PDGFD: variants seen among roughly 807,000 people sequenced by gnomAD.
PDGFD encodes the protein platelet derived growth factor D, also known as platelet-derived growth factor D.
A neutral mutation model predicts 44.7 loss-of-function variants in PDGFD; 30 were observed. The observed-to-expected ratio is 0.67, with a 90% CI of 0.50 to 0.91. PDGFD has a LOEUF of 0.91. Among genes scored for constraint, PDGFD ranks in the 40% least tolerant of loss-of-function variants. PDGFD has a pLI of 0.00. For missense variants in PDGFD, 445 were observed against 457.8 expected, an observed-to-expected ratio of 0.97 and a Z score of 0.25; for synonymous variants, 173 against 168.4, an observed-to-expected ratio of 1.03 and a Z score of -0.21.
intron 1 of PDGFD, among the ~76,000 whole-genome samples, chr11:104,137,728 CTTTT>C (rs5794295): frequency 2.6e-5 from 2 of 76,618 alleles, no homozygotes; most frequent in African/African-American, 4.7e-5. Context: ...TAGATCACCA[CTTTT>C]TTTTTTTTTT....
At position 104,058,755 on chromosome 11, in the gene PDGFD, T is replaced by C. The variant is rs142054395; in HGVS notation, c.125-58500A>G. On this transcript the variant is annotated intron_variant, in intron 1 of 6. Transcript: ENST00000393158. ...AATGAGCAAATGCCCATTGAATGAA[T>C]AAACCAAATTACAGGAGTTTCATAT... 2.9e-4 allele frequency among the ~76,000 whole-genome samples: 44 copies of C among 152,302 alleles called. No individual in the cohort carries two copies. The East Asian group carries it at 7.5e-3, about 26-fold the overall frequency.
chr11:104,095,045 G>C (rs1311649169), intron 1 of PDGFD, among the ~76,000 whole-genome samples: 1 of 151,894 alleles, frequency 6.6e-6, no homozygotes, highest in African/African-American at 2.4e-5. Context: ...TTCCTGGTAG[G>C]TGCCTGTATA....
At chr11:104,084,880 T>C (rs1308850430) in intron 1 of PDGFD, among the ~76,000 whole-genome samples, 6 of 128,684 alleles carry the variant, frequency 4.7e-5, no homozygotes, top group Non-Finnish European at 9.1e-5. Flanking sequence ...AAATATATAA[T>C]GAATATAAAA....
chr11:104,052,879 T>C (rs1565321786), intron 1 of PDGFD, among the ~76,000 whole-genome samples: 3 of 149,112 alleles, frequency 2.0e-5, no homozygotes, highest in Non-Finnish European at 4.4e-5. Context: ...CCCTCTCTCA[T>C]GGTTCATTAT....
rs141677270 is a variant in PDGFD at position 104,007,704 on chromosome 11, C to A, written c.125-7449G>T. Among the ~76,000 whole-genome samples the A allele has an allele frequency of 1.1e-4, 16 of 152,246 alleles. No homozygotes were observed. The East Asian group carries it at 2.9e-3, about 28-fold the overall frequency. ...GGAAATTCCAAACTTACAAAAAGATCTTTTTAACAAAATATCATTAATAAA... is the reference window on the plus strand; with the variant it reads ...GGAAATTCCAAACTTACAAAAAGATATTTTTAACAAAATATCATTAATAAA... On this transcript the variant is annotated intron_variant, in intron 1 of 6. Transcript: ENST00000393158.
At position 104,163,916 on chromosome 11, in the gene PDGFD, G is replaced by A. The variant is rs752315669; in HGVS notation, c.12C>T (p.Leu4=). 1.3e-6 allele frequency: 2 copies of A among 1,548,940 alleles called. No homozygotes were observed. The highest frequency in any genetic ancestry group is 1.4e-5 in the African/African-American group (1 of 73,916). MHR[L]IFVYTLICAN... Reference sequence around the variant, plus strand: ...CGCAGATTAGAGTGTAGACAAAGATGAGCCGGTGCATTTGGGATCAGCGAC... The same window carrying A: ...CGCAGATTAGAGTGTAGACAAAGATAAGCCGGTGCATTTGGGATCAGCGAC... The change falls in exon 1 of 7, where the codon CTC becomes CTT. Residue 4 remains leucine (L), a synonymous_variant. Transcript: ENST00000393158.
rs564649999 is a variant in PDGFD, at chr11:104,083,211, A to G, written c.124+80593T>C. On this transcript the variant is annotated intron_variant, in intron 1 of 6. Transcript: ENST00000393158. ...ATAAATATTACAAATACATCTCAGA[A>G]TCTTGGTCATTTTCTAACTAACTGC... is the stretch of plus-strand genomic sequence containing the variant. 2.3e-3 allele frequency among the ~76,000 whole-genome samples: 353 copies of G among 152,292 alleles called. 1 individual carries two copies. The highest frequency in any genetic ancestry group is 8.0e-3 in the African/African-American group (333 of 41,562).
At chr11:103,962,486 A>G (rs1591096653) in intron 3 of PDGFD, among the ~76,000 whole-genome samples, 1 of 152,144 alleles carries the variant, frequency 6.6e-6, no homozygotes, top group African/African-American at 2.4e-5. Context: ...GCTTTCATCA[A>G]AGGATCTCTG....
At chr11:104,083,515 T>C (rs1290743783) in intron 1 of PDGFD, among the ~76,000 whole-genome samples, 2 of 152,182 alleles carry the variant, frequency 1.3e-5, no homozygotes, top group Non-Finnish European at 2.9e-5. Context: ...ACTAGATTTC[T>C]TCACAACACA....
rs12099340 is a variant in PDGFD, at chr11:104,010,197, T to A, written c.125-9942A>T. 6.5e-3 allele frequency among the ~76,000 whole-genome samples: 974 copies of A among 148,878 alleles called. 15 individuals carry two copies. The highest frequency in any genetic ancestry group is 0.022 in the African/African-American group (884 of 40,576). ...CCAGTTACATATCTTTTTTTTTTTT[T>A]AAACATTAGAGCTCTTTTTGGCACA... On this transcript the variant is annotated intron_variant, in intron 1 of 6. Coordinates refer to ENST00000393158, the MANE Select transcript of PDGFD (RefSeq NM_025208.5).
chr11:104,097,899 A>T (rs952240679), intron 1 of PDGFD, among the ~76,000 whole-genome samples: 2 of 152,154 alleles, frequency 1.3e-5, no homozygotes, highest in South Asian at 4.1e-4. Flanking sequence ...AGTGGGGTCT[A>T]AATTTTAATT....
intron 1 of PDGFD, among the ~76,000 whole-genome samples, chr11:104,043,101 A>G (rs1465992161): frequency 6.6e-6 from 1 of 152,244 alleles, no homozygotes; most frequent in Non-Finnish European, 1.5e-5. Flanking sequence ...CTAGAAAAAA[A>G]GCAGAGTAAA....
In PDGFD at chr11:104,113,763, C is replaced by A. The variant is rs146460824; in HGVS notation, c.124+50041G>T. Among the ~76,000 whole-genome samples, 376 of 152,166 alleles carry A rather than the reference C, an allele frequency of 2.5e-3. 4 individuals are homozygous for A. The highest frequency in any genetic ancestry group is 0.021 in the Admixed American group (315 of 15,234). ...TATAATGAAAGTTCCTGTTGCTCCA[C>A]ATTCTTGTCAGCATTTGGTGTTATC... On this transcript the variant is annotated intron_variant, in intron 1 of 6. Coordinates refer to ENST00000393158, the MANE Select transcript of PDGFD (RefSeq NM_025208.5).
chr11:103,921,740 ATT>A (rs201773219), intron 6 of PDGFD, among the ~76,000 whole-genome samples: 1 of 149,256 alleles, frequency 6.7e-6, no homozygotes, highest in African/African-American at 2.5e-5. Context: ...AGAAGAAGTC[ATT>A]TTTTTTTCAT....
At chr11:104,082,822 G>T (rs910736537) in intron 1 of PDGFD, among the ~76,000 whole-genome samples, 3 of 152,038 alleles carry the variant, frequency 2.0e-5, no homozygotes, top group African/African-American at 7.2e-5. Flanking sequence ...TGTAGAGACA[G>T]GGTCCAGGCT....
intron 1 of PDGFD, among the ~76,000 whole-genome samples, chr11:104,115,138 C>T (rs932913045): frequency 5.3e-5 from 8 of 151,640 alleles, no homozygotes; most frequent in African/African-American, 1.7e-4. Flanking sequence ...TGAGTGATTA[C>T]ATACAATGTT....
intron 1 of PDGFD, among the ~76,000 whole-genome samples, chr11:104,074,665 G>T (rs1370015246): frequency 6.6e-6 from 1 of 152,164 alleles, no homozygotes; most frequent in Non-Finnish European, 1.5e-5. Context: ...ACTGCAACCA[G>T]CAACTCTATG....
At chr11:104,141,784 C>T (rs1473782825) in intron 1 of PDGFD, among the ~76,000 whole-genome samples, 2 of 152,058 alleles carry the variant, frequency 1.3e-5, no homozygotes, top group Admixed American at 6.6e-5. Context: ...AAAGAATGTC[C>T]GCAGCCAAGA....
At chr11:104,131,626 G>A (rs570126634) in intron 1 of PDGFD, among the ~76,000 whole-genome samples, 1 of 152,058 alleles carries the variant, frequency 6.6e-6, no homozygotes, top group African/African-American at 2.4e-5. Context: ...TAAATCCGGT[G>A]CTTTACCATT....
Sources: allele counts gnomAD v4.1 joint callset (sites outside exome capture counted in the v4.1 genomes callset), GRCh38; gene constraint gnomAD v4.1.1; transcripts MANE v1.5; gene names NCBI Gene and HGNC (gene_info 2026-07-23, HGNC 2026-07-21).